Variants in CRISP1 observed in about 807,000 individuals in gnomAD.
CRISP1 encodes the protein cysteine rich secretory protein 1.
In CRISP1, 44 loss-of-function variants were observed where a neutral mutation model predicts 33.1. That is an observed-to-expected ratio of 1.33 (90% confidence interval 1.05 to 1.71). The LOEUF (loss-of-function observed/expected upper bound fraction) is 1.71, where lower values mean the gene tolerates loss of function less well. Ranked by LOEUF, CRISP1 falls within the 40% of genes most tolerant of loss-of-function variation. The pLI, the probability that CRISP1 is intolerant of heterozygous loss-of-function variation, is 0.00. For missense variants in CRISP1, 390 were observed against 301.2 expected (o/e 1.29, Z -2.18); for synonymous variants, 103 against 98.7 (o/e 1.04, Z -0.26).
intron 5 of CRISP1, among the ~76,000 whole-genome samples, chr6:49,845,462 T>A (rs149670881): frequency 5.9e-5 from 9 of 152,328 alleles, no homozygotes; most frequent in South Asian, 4.1e-4. Flanking sequence ...TGTTATGGCA[T>A]CCTAAGCAGA....
At chr6:49,861,152 C>T (rs1477605197) in intron 1 of CRISP1, among the ~76,000 whole-genome samples, 1 of 152,162 alleles carries the variant, frequency 6.6e-6, no homozygotes, top group East Asian at 1.9e-4. Context: ...CTGCTGAATT[C>T]TACCGAATCT....
intron 4 of CRISP1, among the ~76,000 whole-genome samples, chr6:49,847,570 G>A (rs187031324): frequency 1.3e-5 from 2 of 152,194 alleles, no homozygotes; most frequent in African/African-American, 4.8e-5. Flanking sequence ...AAGTAGATGT[G>A]GGTGCCATGC....
upstream of CRISP1, among the ~76,000 whole-genome samples, chr6:49,871,084 T>A (rs138880141): frequency 7.0e-6 from 1 of 142,354 alleles, no homozygotes; most frequent in African/African-American, 2.7e-5. Context: ...GCCTGGGGGA[T>A]AAGAGGGAAA....
chr6:49,845,967 C>T (rs1306221191), intron 5 of CRISP1, among the ~76,000 whole-genome samples: 2 of 151,946 alleles, frequency 1.3e-5, no homozygotes, highest in African/African-American at 4.8e-5. Flanking sequence ...GTGGTAGTTG[C>T]CAGAGGTCTG....
At chr6:49,847,652 C>A (rs374517973) in intron 4 of CRISP1, among the ~76,000 whole-genome samples, 225 of 151,946 alleles carry the variant, frequency 1.5e-3, no homozygotes, top group Middle Eastern at 6.8e-3. Context: ...TCAGGTATTT[C>A]TTTACAGCAA....
intron 5 of CRISP1, among the ~76,000 whole-genome samples, chr6:49,845,000 A>T (rs2127471489): frequency 6.6e-6 from 1 of 152,208 alleles, no homozygotes; most frequent in East Asian, 1.9e-4. Context: ...GGCTCTTGGG[A>T]TGGAACGAAT....
rs182779341 is a variant in CRISP1 at position 49,837,170 on chromosome 6, G to T, written c.622+1267C>A. Among the ~76,000 whole-genome samples the T allele has an allele frequency of 1.2e-3, 190 of 152,010 alleles. 1 individual carries two copies. Among genetic ancestry groups the T allele is most frequent in the Admixed American group, 2.0e-3 (31 of 15,262 alleles). ...TGCATGTCTAGGTCTTACATTTTTA[G>T]CATTGTTTGTGCCCAATATGTTCAA... On this transcript the variant is annotated intron_variant, in intron 7 of 7. Coordinates refer to ENST00000335847, the MANE Select transcript of CRISP1 (RefSeq NM_001131.3).
At chr6:49,855,442 ATTT>A (rs61621803) in intron 2 of CRISP1, among the ~76,000 whole-genome samples, 1 of 146,028 alleles carries the variant, frequency 6.8e-6, no homozygotes, top group East Asian at 2.0e-4. Context: ...CTTATCTCTG[ATTT>A]TTTTTTTTTT....
Position 49,835,218 on chromosome 6 carries a change from A to C in CRISP1, c.*98T>G. On this transcript the variant is annotated 3_prime_UTR_variant, in exon 8 of 8. Coordinates refer to ENST00000335847, the MANE Select transcript of CRISP1 (RefSeq NM_001131.3). ...TCTCCAGCATGATTAAAATCAGTGA[A>C]ATTTAGCAGAAGCTACTGAACTATA... 1 of 1,307,718 alleles carries C rather than the reference A, an allele frequency of 7.6e-7. No homozygotes were observed. The highest frequency in any genetic ancestry group is 1.5e-5 in the South Asian group (1 of 66,058). 81.0% of individuals were successfully genotyped at this position (1,307,718 alleles called of 1,614,324 possible).
At position 49,837,400 on chromosome 6, in the gene CRISP1, ATTGCCATCC is replaced by A. The variant is rs3842118; in HGVS notation, c.622+1028_622+1036del. On this transcript the variant is annotated intron_variant, in intron 7 of 7. Coordinates refer to ENST00000335847, the MANE Select transcript of CRISP1 (RefSeq NM_001131.3). ...CACCTAGATTCTAAAAATCTACTCAATTGCCATCCCTTCTCCTGCTAAGGCATAGGTAAC... is the reference window on the plus strand; with the variant it reads ...CACCTAGATTCTAAAAATCTACTCAACTTCTCCTGCTAAGGCATAGGTAAC... 7.9e-4 allele frequency among the ~76,000 whole-genome samples: 119 copies of A among 150,656 alleles called. 1 individual carries two copies. The East Asian group carries it at 0.021, about 26-fold the overall frequency.
At chr6:49,840,822 A>G (rs2127469603) in intron 6 of CRISP1, 76 bp downstream of exon 6, 1 of 1,159,158 alleles carries the variant, frequency 8.6e-7, no homozygotes, top group African/African-American at 1.6e-5. Flanking sequence ...ATTTATGCAC[A>G]CAAAAAAACA....
upstream of CRISP1, among the ~76,000 whole-genome samples, chr6:49,869,370 G>A (rs191983615): frequency 6.6e-6 from 1 of 152,246 alleles, no homozygotes; most frequent in Admixed American, 6.5e-5. Context: ...AGCAAATGAT[G>A]CAAGAACACA....
intron 1 of CRISP1, among the ~76,000 whole-genome samples, chr6:49,864,887 A>C (rs959079795): frequency 6.6e-6 from 1 of 152,160 alleles, no homozygotes; most frequent in African/African-American, 2.4e-5. Context: ...TTTGTTAAAC[A>C]AAAGTTTCTA....
In CRISP1 at chr6:49,852,045, G is replaced by C; in HGVS notation, c.151C>G (p.Leu51Val). ...GCTGGTGGAACTACTCTTCTCCTGAGGGCGTTGTGTATATTAACGATCTCT... is the reference window on the plus strand; with the variant it reads ...GCTGGTGGAACTACTCTTCTCCTGACGGCGTTGTGTATATTAACGATCTCT... Reference protein sequence around the residue: ...QEEIVNIHNALRRRVVPPASN... With the variant: ...QEEIVNIHNAVRRRVVPPASN... The change falls in exon 3 of 8, where the codon CTC becomes GTC. Residue 51 changes from leucine (L) to valine (V), a missense_variant. Physicochemically the swap from Leu to Val is conservative, Grantham distance 32 (BLOSUM62 1). Coordinates refer to ENST00000335847, the MANE Select transcript of CRISP1 (RefSeq NM_001131.3). 3 of 1,612,850 alleles carry C rather than the reference G, an allele frequency of 1.9e-6. No homozygotes were observed. Among genetic ancestry groups the C allele is most frequent in the Non-Finnish European group, 2.5e-6 (3 of 1,179,386 alleles).
At chr6:49,864,802 G>C (rs1771757599) in intron 1 of CRISP1, among the ~76,000 whole-genome samples, 1 of 151,876 alleles carries the variant, frequency 6.6e-6, no homozygotes, top group Admixed American at 6.6e-5. Context: ...GTTCTTGATA[G>C]GGCAATTGTC....
chr6:49,845,791 G>A (rs1771146109), intron 5 of CRISP1, among the ~76,000 whole-genome samples: 1 of 151,640 alleles, frequency 6.6e-6, no homozygotes, highest in Non-Finnish European at 1.5e-5. Context: ...ATAGCATTTA[G>A]CCTTAAAAAA....
At chr6:49,867,512 G>A (rs1324382927), upstream of CRISP1, among the ~76,000 whole-genome samples, 2 of 152,012 alleles carry the variant, frequency 1.3e-5, no homozygotes, top group African/African-American at 4.8e-5. Context: ...TAAAAATAAG[G>A]TAAGAATTGT....
At chr6:49,854,424 G>A (rs943624462) in intron 2 of CRISP1, among the ~76,000 whole-genome samples, 1 of 152,142 alleles carries the variant, frequency 6.6e-6, no homozygotes, top group East Asian at 1.9e-4. Context: ...CTGGAGTGCA[G>A]TAGCACGATC....
Position 49,846,559 on chromosome 6 carries a change from T to C in CRISP1, c.396A>G (p.Thr132=), listed in dbSNP as rs1157057066. 6.2e-7 allele frequency: 1 copy of C among 1,613,630 alleles called. No individual in the cohort carries two copies. The highest frequency in any genetic ancestry group is 1.3e-5 in the African/African-American group (1 of 75,014). Residue 132 remains threonine (T), a synonymous_variant, in exon 5 of 8, where the codon ACA becomes ACG. Coordinates refer to ENST00000335847, the MANE Select transcript of CRISP1 (RefSeq NM_001131.3). ...ESTSFKHGEW[T]TTDDDITTDH... ...CAGTAGTTATGTCATCATCCGTTGT[T>C]GTCCATTCTCCATGTTTGAAACTTG...
Sources: allele counts gnomAD v4.1 joint callset (sites outside exome capture counted in the v4.1 genomes callset), GRCh38; gene constraint gnomAD v4.1.1; transcripts MANE v1.5; gene names NCBI Gene and HGNC (gene_info 2026-07-23, HGNC 2026-07-21).